RBFOX3: variants seen among roughly 807,000 people sequenced by gnomAD.
RBFOX3 encodes the protein RNA binding fox-1 homolog 3, also known as RNA binding protein fox-1 homolog 3.
In RBFOX3, 17 loss-of-function variants were observed where a neutral mutation model predicts 48.7. That is an observed-to-expected ratio of 0.35 (90% CI 0.24 to 0.52). The LOEUF (loss-of-function observed/expected upper bound fraction) is 0.52. Among genes scored for constraint, RBFOX3 ranks in the 20% least tolerant of loss-of-function variants. The pLI is 0.94. For missense variants in RBFOX3, 382 were observed against 497.5 expected (o/e 0.77, Z 2.21); for synonymous variants, 212 against 209.5 (o/e 1.01, Z -0.10).
intron 1 of RBFOX3, among the ~76,000 whole-genome samples, chr17:79,609,450 T>C (rs1245975930): frequency 6.6e-6 from 1 of 151,994 alleles, no homozygotes; most frequent in African/African-American, 2.4e-5. Context: ...ATCCCTTGGG[T>C]CTCTGTCCTT....
intron 2 of RBFOX3, among the ~76,000 whole-genome samples, chr17:79,419,311 C>A (rs533111072): frequency 3.1e-4 from 47 of 152,346 alleles, no homozygotes; most frequent in Admixed American, 5.9e-4. Flanking sequence ...CCTGTGCCAA[C>A]CTTTCTCCTG....
At chr17:79,336,902 C>G (rs568278408) in intron 2 of RBFOX3, among the ~76,000 whole-genome samples, 1 of 152,136 alleles carries the variant, frequency 6.6e-6, no homozygotes, top group African/African-American at 2.4e-5. Context: ...GGTGGATCAC[C>G]TGAGGCCAGG....
chr17:79,340,272 C>G (rs1445705863), intron 2 of RBFOX3, among the ~76,000 whole-genome samples: 2 of 146,980 alleles, frequency 1.4e-5, no homozygotes, highest in African/African-American at 5.0e-5. Context: ...GCACTCCAGC[C>G]TGGGCAATAG....
intron 2 of RBFOX3, among the ~76,000 whole-genome samples, chr17:79,369,273 C>T (rs1568124705): frequency 6.6e-6 from 1 of 152,184 alleles, no homozygotes; most frequent in Non-Finnish European, 1.5e-5. Context: ...CACGGCGCCA[C>T]CTCCACATCT....
chr17:79,599,705 T>A (rs1166938367), intron 1 of RBFOX3: 2 of 152,238 alleles, frequency 1.3e-5, no homozygotes, highest in South Asian at 2.1e-4. Flanking sequence ...GAATATTTTC[T>A]TAAAGGGAGA....
intron 4 of RBFOX3, among the ~76,000 whole-genome samples, chr17:79,209,576 C>A (rs1057009286): frequency 1.3e-5 from 2 of 152,234 alleles, no homozygotes; most frequent in African/African-American, 4.8e-5. Context: ...AGATGAACCA[C>A]CTCGGTACCC....
At chr17:79,512,915 G>A (rs1400167464) in intron 1 of RBFOX3, among the ~76,000 whole-genome samples, 30 of 92,318 alleles carry the variant, frequency 3.2e-4, no homozygotes, top group Admixed American at 4.8e-4. Context: ...GCCAGGGGAC[G>A]CACATGCAGA....
intron 4 of RBFOX3, among the ~76,000 whole-genome samples, chr17:79,215,558 C>T (rs1040656350): frequency 2.0e-5 from 3 of 152,252 alleles, no homozygotes; most frequent in African/African-American, 7.2e-5. Flanking sequence ...TCATCTCCTG[C>T]CCACACGGAG....
intron 4 of RBFOX3, chr17:79,234,884 C>G (rs936270259): frequency 1.3e-5 from 2 of 151,858 alleles, no homozygotes; most frequent in African/African-American, 4.8e-5. Flanking sequence ...GCACCCGCCA[C>G]CATGCCCGGC....
intron 1 of RBFOX3, among the ~76,000 whole-genome samples, chr17:79,609,713 C>A (rs2093926478): frequency 6.8e-6 from 1 of 146,800 alleles, no homozygotes; most frequent in Admixed American, 6.8e-5. Context: ...CCGACAGGTT[C>A]CCAATGCCCC....
At chr17:79,365,213 TA>T (rs1415321138) in intron 2 of RBFOX3, among the ~76,000 whole-genome samples, 2 of 152,272 alleles carry the variant, frequency 1.3e-5, no homozygotes, top group Middle Eastern at 3.4e-3. Context: ...TCAACTCCTT[TA>T]AAAAAATCAC....
chr17:79,121,379 C>T (rs1430355953), intron 4 of RBFOX3, among the ~76,000 whole-genome samples: 1 of 152,144 alleles, frequency 6.6e-6, no homozygotes, highest in African/African-American at 2.4e-5. Context: ...CACCATGGCT[C>T]CTTCATCCTA....
At chr17:79,583,641 C>T (rs1262873110) in intron 1 of RBFOX3, among the ~76,000 whole-genome samples, 4 of 152,270 alleles carry the variant, frequency 2.6e-5, no homozygotes, top group Admixed American at 6.5e-5. Context: ...TGTGCAAAGG[C>T]CCTGAGGCCC....
Position 79,214,622 on chromosome 17 carries a change from G to A in RBFOX3, c.-34+21144C>T, listed in dbSNP as rs1047590923. The stretch of plus-strand genomic sequence containing the variant: ...TCTGTGGCTGTCCAGGGAGAGAGAG[G>A]AGGAGCCCAGGCTCCCAGGCAGGGC... On this transcript the variant is annotated intron_variant, in intron 4 of 14. Transcript: ENST00000693108. The surrounding 1 kb of genome is among the most constrained non-coding windows in gnomAD (Gnocchi z 4.7). Among the ~76,000 whole-genome samples, 3 of 151,974 alleles carry A rather than the reference G, an allele frequency of 2.0e-5. No homozygotes were observed. Among genetic ancestry groups the A allele is most frequent in the Non-Finnish European group, 4.4e-5 (3 of 67,974 alleles).
At chr17:79,118,985 A>T (rs1289275860) in intron 4 of RBFOX3, among the ~76,000 whole-genome samples, 288 of 148,016 alleles carry the variant, frequency 1.9e-3, no homozygotes, top group Admixed American at 3.3e-3. Context: ...CAAAAAAAAA[A>T]AAAAAAAATA....
intron 11 of RBFOX3, 107 bp downstream of exon 11, chr17:79,097,185 G>A (rs1436258866): frequency 5.0e-6 from 4 of 793,898 alleles, no homozygotes; most frequent in Non-Finnish European, 5.5e-6. Flanking sequence ...CCCCCCCCCA[G>A]GTCTGGAAAG....
intron 1 of RBFOX3, among the ~76,000 whole-genome samples, chr17:79,513,140 A>C (rs1267355025): frequency 6.8e-6 from 1 of 146,016 alleles, no homozygotes; most frequent in Non-Finnish European, 1.5e-5. Flanking sequence ...TGTTACCATC[A>C]AGTACAGTCC....
intron 1 of RBFOX3, among the ~76,000 whole-genome samples, chr17:79,526,912 G>A (rs1270199777): frequency 1.3e-5 from 2 of 152,220 alleles, no homozygotes; most frequent in Non-Finnish European, 2.9e-5. Flanking sequence ...TCTTAGCTCT[G>A]CAGCCAGCCA....
chr17:79,113,827 G>C (rs931611087), intron 5 of RBFOX3, among the ~76,000 whole-genome samples: 2 of 152,184 alleles, frequency 1.3e-5, no homozygotes, highest in Admixed American at 6.5e-5. Flanking sequence ...TGCCAATTCA[G>C]TGCCTGGAAC....
Sources: gnomAD v4.1 joint callset for allele counts (sites outside exome capture counted in the v4.1 genomes callset) on GRCh38, gnomAD v4.1.1 for gene constraint, Gnocchi (gnomAD v3.1) non-coding constraint, MANE v1.5 for transcripts, NCBI Gene and HGNC (gene_info 2026-07-23, HGNC 2026-07-21) for gene names.